The following RYR3 variants were observed in gnomAD, a reference collection of about 807,000 sequenced individuals.
RYR3 encodes the protein ryanodine receptor 3, also known as brain ryanodine receptor-calcium release channel.
Under a neutral mutation model 584.3 loss-of-function variants are expected in RYR3, and 207 were observed. The ratio of observed to expected loss-of-function variants is 0.35; its 90% CI spans 0.32 to 0.40. The LOEUF is 0.40. Among genes scored for constraint, RYR3 ranks in the 10% least tolerant of loss-of-function variants. RYR3 has a pLI of 1.00. For synonymous variants in RYR3, 2,416 were observed against 2,248.5 expected (o/e 1.07, Z -2.11); for missense variants, 5,616 against 6,089.2 (o/e 0.92, Z 2.59).
intron 1 of RYR3, among the ~76,000 whole-genome samples, chr15:33,386,258 G>T (rs1241873326): frequency 6.6e-6 from 1 of 152,090 alleles, no homozygotes; most frequent in East Asian, 1.9e-4. Flanking sequence ...GTTCTGAGCA[G>T]TTTCTTTAAC....
rs560864846 is a variant in RYR3, at chr15:33,690,520, T to A, written c.5861-5698T>A. Among the ~76,000 whole-genome samples the A allele has an allele frequency of 4.6e-5, 7 of 152,352 alleles. No homozygotes were observed. In the South Asian group the frequency reaches 1.4e-3, roughly 32 times the overall value. On this transcript the variant is annotated intron_variant, in intron 38 of 103. Coordinates refer to ENST00000634891, the MANE Select transcript of RYR3 (RefSeq NM_001036.6). ...TCTTACGTGAGATGCTCACATTTAA[T>A]CTCGTACATACCTGCCTCCCATTCA...
chr15:33,700,185 G>A (rs1007793155), intron 41 of RYR3, among the ~76,000 whole-genome samples: 2 of 152,182 alleles, frequency 1.3e-5, no homozygotes, highest in African/African-American at 4.8e-5. Flanking sequence ...AACTGACCAG[G>A]GAGCAGTGCT....
chr15:33,405,847 C>T (rs1168335668), intron 1 of RYR3, among the ~76,000 whole-genome samples: 1 of 152,232 alleles, frequency 6.6e-6, no homozygotes, highest in Non-Finnish European at 1.5e-5. Context: ...GCTCTGCCGT[C>T]CTCTGCTTCA....
At chr15:33,325,735 TTCCTTCCTTCCTTCCTTCCTTC>T (rs1396364471) in intron 1 of RYR3, among the ~76,000 whole-genome samples, 1 of 45,198 alleles carries the variant, frequency 2.2e-5, no homozygotes, top group East Asian at 9.1e-4. Context: ...TCTTCCTTCC[TTCCTTCCTTCCTTCCTTCCTTC>T]CTTCCTTCCT....
chr15:33,824,142 C>A (rs1419256841), intron 81 of RYR3, among the ~76,000 whole-genome samples: 1 of 152,110 alleles, frequency 6.6e-6, no homozygotes, highest in East Asian at 1.9e-4. Context: ...AAAATCAAGG[C>A]AACTCAATTC....
At chr15:33,725,172 C>T (rs1211219425) in intron 45 of RYR3, among the ~76,000 whole-genome samples, 5 of 143,578 alleles carry the variant, frequency 3.5e-5, no homozygotes, top group African/African-American at 1.3e-4. Context: ...CACACACACA[C>T]ACACACACAC....
At chr15:33,358,730 C>G (rs995507028) in intron 1 of RYR3, among the ~76,000 whole-genome samples, 1 of 151,138 alleles carries the variant, frequency 6.6e-6, no homozygotes, top group Non-Finnish European at 1.5e-5. Context: ...TTTTGCAGTA[C>G]CTAGCGCCTT....
intron 1 of RYR3, among the ~76,000 whole-genome samples, chr15:33,407,881 A>G (rs909989956): frequency 1.3e-5 from 2 of 152,050 alleles, no homozygotes; most frequent in Non-Finnish European, 2.9e-5. Context: ...GCATGTATAT[A>G]TTACTTGTTT....
intron 16 of RYR3, among the ~76,000 whole-genome samples, chr15:33,590,098 G>A (rs1182691703): frequency 6.6e-6 from 1 of 152,168 alleles, no homozygotes. Flanking sequence ...AGGGGCGGGG[G>A]TCACAAGGTG....
intron 43 of RYR3, among the ~76,000 whole-genome samples, chr15:33,710,192 AG>A (rs1036192767): frequency 3.9e-5 from 6 of 152,220 alleles, no homozygotes; most frequent in Admixed American, 1.3e-4. Flanking sequence ...CAGGCTTTAT[AG>A]GAAGCATGGT....
At chr15:33,550,694 G>T (rs2141246765) in intron 10 of RYR3, among the ~76,000 whole-genome samples, 1 of 151,848 alleles carries the variant, frequency 6.6e-6, no homozygotes, top group South Asian at 2.1e-4. Context: ...GGAGGCATGA[G>T]TTTCAGAGCT....
At position 33,838,938 on chromosome 15, in the gene RYR3, C is replaced by A; in HGVS notation, c.12958C>A (p.Gln4320Lys). ...DEPPTLESTV[Q>K]KKRKAQAAEM... is the part of the protein sequence containing the mutation. ...ACCCCCTACATTAGAGAGTACTGTA[C>A]AGAAGAAGAGGAAAGCTCAGGTAAG... The change falls in exon 89 of 104, where the codon CAG (glutamine) becomes AAG (lysine). Residue 4320 changes from glutamine to lysine, a missense_variant. This residue lies in a region of RYR3 where 918 missense variants were observed against 887.4 expected (regional missense o/e 1.03). Coordinates refer to ENST00000634891, the MANE Select transcript of RYR3 (RefSeq NM_001036.6). 1.2e-6 allele frequency: 2 copies of A among 1,610,522 alleles called. No homozygotes were observed. Among genetic ancestry groups the A allele is most frequent in the Non-Finnish European group, 1.7e-6 (2 of 1,178,632 alleles).
Position 33,811,085 on chromosome 15 carries a change from G to C in RYR3, c.10257+48G>C, listed in dbSNP as rs747610483. 8 of 1,494,312 alleles carry C rather than the reference G, an allele frequency of 5.4e-6. No homozygotes were observed. In the Admixed American group the frequency reaches 1.3e-4, roughly 24 times the overall value. 92.6% of individuals were successfully genotyped at this position (1,494,312 alleles called of 1,614,324 possible). A position where few individuals can be genotyped will look rare whatever the true frequency, so the allele number is the denominator to read the frequency against. ...AGAACTCACACCGGCTTTCCTTCTG[G>C]CTGCAGGGTTCCAGCTTTTCACTTC... On this transcript the variant is annotated intron_variant, in intron 72 of 103. Coordinates refer to ENST00000634891, the MANE Select transcript of RYR3 (RefSeq NM_001036.6).
intron 76 of RYR3, 96 bp downstream of exon 76, chr15:33,818,780 G>A: frequency 1.2e-6 from 1 of 867,180 alleles, no homozygotes; most frequent in Non-Finnish European, 1.8e-6. Flanking sequence ...GTGGAAAAGG[G>A]AAGCTAGATT....
intron 2 of RYR3, among the ~76,000 whole-genome samples, chr15:33,500,850 G>A (rs1312111359): frequency 6.6e-6 from 1 of 152,180 alleles, no homozygotes; most frequent in African/African-American, 2.4e-5. Flanking sequence ...AATTAAGGAT[G>A]GCAGCTGGCA....
At chr15:33,850,910 C>T (rs1262744291) in intron 94 of RYR3, 1 of 152,090 alleles carries the variant, frequency 6.6e-6, no homozygotes, top group Non-Finnish European at 1.5e-5. Flanking sequence ...TATTCATTCT[C>T]CTGCCTTATA....
intron 36 of RYR3, among the ~76,000 whole-genome samples, chr15:33,667,857 T>C (rs1320678755): frequency 2.7e-5 from 4 of 150,278 alleles, no homozygotes; most frequent in Non-Finnish European, 5.9e-5. Flanking sequence ...AGGTCAGGAG[T>C]TCTAGATCAG....
chr15:33,551,632 C>T (rs1465269555), intron 10 of RYR3, among the ~76,000 whole-genome samples: 1 of 152,120 alleles, frequency 6.6e-6, no homozygotes, highest in Non-Finnish European at 1.5e-5. Flanking sequence ...ACATGAGCTT[C>T]CTGTTCACAT....
rs2140482671 is a variant in RYR3 at position 33,316,515 on chromosome 15, T to C, written c.51+5419T>C. On this transcript the variant is annotated intron_variant, in intron 1 of 103. Transcript: ENST00000634891. ...TCTTTAAGCTACCCTTAATACAAGA[T>C]TTATCCAGTAGGAGTGGGATGCTGT... Among the ~76,000 whole-genome samples, 2 of 152,246 alleles carry C rather than the reference T, an allele frequency of 1.3e-5. 1 individual carries two copies. The highest frequency in any genetic ancestry group is 3.9e-4 in the East Asian group (2 of 5,190).
Sources: gnomAD v4.1 joint callset for allele counts (sites outside exome capture counted in the v4.1 genomes callset) on GRCh38, gnomAD v4.1.1 for gene constraint, gnomAD v4.1.1 regional missense constraint, MANE v1.5 for transcripts, NCBI Gene and HGNC (gene_info 2026-07-23, HGNC 2026-07-21) for gene names.